The following ZDHHC11B variants were observed in gnomAD, a reference collection of about 807,000 sequenced individuals.
ZDHHC11B encodes probable palmitoyltransferase ZDHHC11B.
ZDHHC11B carries 17 observed loss-of-function variants against 42.3 expected under a neutral mutation model. The observed-to-expected ratio is 0.40, with a 90% CI of 0.27 to 0.60. ZDHHC11B has a LOEUF of 0.60. ZDHHC11B is among the 20% of genes least tolerant of loss of function. ZDHHC11B has a pLI of 0.41. For synonymous variants in ZDHHC11B, 123 were observed against 193.5 expected (o/e 0.64, Z 3.02); for missense variants, 262 against 463.2 (o/e 0.57, Z 3.99).
intron 3 of ZDHHC11B, 77 bp downstream of exon 3, chr5:767,313 CAT>C (rs1561192099): frequency 4.8e-6 from 7 of 1,473,332 alleles, no homozygotes; most frequent in African/African-American, 1.4e-5. Context: ...CACCCACACA[CAT>C]GTGGGGCTCC....
intron 8 of ZDHHC11B, among the ~76,000 whole-genome samples, chr5:746,289 A>G (rs28678838): frequency 0.66 from 92,947 of 140,314 alleles, 29,092 homozygotes; most frequent in Middle Eastern, 0.77. Flanking sequence ...GGCGGTGGGC[A>G]CCCTGGGGAG....
intron 12 of ZDHHC11B, among the ~76,000 whole-genome samples, chr5:724,530 T>C (rs1464198457): frequency 2.1e-5 from 3 of 144,908 alleles, no homozygotes; most frequent in African/African-American, 7.8e-5. Flanking sequence ...TGCCTGCCAC[T>C]ACGCCTGGCT....
rs758234413 is a variant in ZDHHC11B, at chr5:730,451, C to G, written c.1041G>C (p.Pro347=). 2 of 1,568,116 alleles carry G rather than the reference C, an allele frequency of 1.3e-6. No homozygotes were observed. The highest frequency in any genetic ancestry group is 2.4e-5 in the South Asian group (2 of 81,660). ...DSKAQEADDA[P]STSTLGLQQE... ...GAACTTACCCAAGTGTAGATGTACT[C>G]GGGGCATCATCTGCTTCCTGTGGGG... Residue 347 remains proline, a synonymous_variant, in exon 12 of 14, where the codon CCG becomes CCC. Transcript: ENST00000508859.
intron 1 of ZDHHC11B, among the ~76,000 whole-genome samples, chr5:775,880 C>G (rs1376902155): frequency 2.0e-5 from 3 of 148,662 alleles, no homozygotes; most frequent in Non-Finnish European, 3.0e-5. Flanking sequence ...GGGTGGGGGC[C>G]GAGGCGCTCA....
chr5:765,875 G>A (rs1186794823), intron 4 of ZDHHC11B, among the ~76,000 whole-genome samples: 2 of 151,922 alleles, frequency 1.3e-5, no homozygotes, highest in Non-Finnish European at 2.9e-5. Context: ...CTTGAAGTTG[G>A]TGAGACCAAG....
chr5:716,379 G>A (rs1429404719), intron 13 of ZDHHC11B, among the ~76,000 whole-genome samples: 1 of 151,700 alleles, frequency 6.6e-6, no homozygotes, highest in Non-Finnish European at 1.5e-5. Context: ...TGCATTCTAT[G>A]GATCGTCCTA....
intron 4 of ZDHHC11B, among the ~76,000 whole-genome samples, chr5:756,821 G>C (rs1228151405): frequency 1.3e-5 from 2 of 151,614 alleles, no homozygotes; most frequent in South Asian, 2.1e-4. Context: ...ACGGCTCACT[G>C]ACGGACCCTC....
chr5:747,950 C>A lies in ZDHHC11B; in HGVS notation c.784+454G>T, dbSNP rs71587144. On this transcript the variant is annotated intron_variant, in intron 8 of 13. Coordinates refer to ENST00000508859, the MANE Select transcript of ZDHHC11B (RefSeq NM_001351303.2). Reference sequence around the variant, plus strand: ...CCCACTGTGAGACCAAGCAAGACCACCAGCTCTCGCTTCAGTTGTTTGGTT... The same window carrying A: ...CCCACTGTGAGACCAAGCAAGACCAACAGCTCTCGCTTCAGTTGTTTGGTT... 5.1e-5 allele frequency: 17 copies of A among 336,442 alleles called. No homozygotes were observed. In the East Asian group the frequency reaches 9.7e-4, roughly 19 times the overall value. The allele number at this position is 336,442 out of a possible 1,614,324, so 20.8% of individuals were successfully genotyped here. A position where few individuals can be genotyped will look rare whatever the true frequency, so the allele number is the denominator to read the frequency against.
At chr5:718,710 A>AG (rs1465552393) in intron 12 of ZDHHC11B, among the ~76,000 whole-genome samples, 2 of 151,044 alleles carry the variant, frequency 1.3e-5, no homozygotes, top group Non-Finnish European at 3.0e-5. Context: ...AAAAAAAAAA[A>AG]AAGGAAAAAG....
At chr5:734,254 C>T (rs1229299204) in intron 10 of ZDHHC11B, among the ~76,000 whole-genome samples, 1 of 112,876 alleles carries the variant, frequency 8.9e-6, no homozygotes, top group Non-Finnish European at 1.8e-5. Flanking sequence ...CAGCAGCATA[C>T]CAGAAAAAAC....
chr5:733,604 C>G (rs2127011457), intron 11 of ZDHHC11B, 148 bp downstream of exon 11: 2 of 702,656 alleles, frequency 2.8e-6, no homozygotes, highest in East Asian at 5.7e-5. Context: ...CTGTGCTCCA[C>G]CCACCATCAT....
At chr5:715,688 C>T (rs1315364702) in intron 13 of ZDHHC11B, among the ~76,000 whole-genome samples, 1 of 151,578 alleles carries the variant, frequency 6.6e-6, no homozygotes, top group African/African-American at 2.4e-5. Context: ...TTCTAGAGAA[C>T]AATTTTCACA....
chr5:757,860 C>A lies in ZDHHC11B; in HGVS notation c.223-1716G>T, dbSNP rs150656649. Among the ~76,000 whole-genome samples the A allele has an allele frequency of 9.7e-3, 1,463 of 151,092 alleles. 1 individual carries two copies. The highest frequency in any genetic ancestry group is 0.015 in the Non-Finnish European group (985 of 67,354). On this transcript the variant is annotated intron_variant, in intron 4 of 13. Transcript: ENST00000508859. ...GAGCTAGGCAGTGCAGCAACGGGGC[C>A]AGCCAGGCCCTGGGGGACTCACATG... is the stretch of plus-strand genomic sequence containing the variant.
chr5:731,997 G>A (rs1419866812), intron 11 of ZDHHC11B: 2 of 152,204 alleles, frequency 1.3e-5, no homozygotes, highest in African/African-American at 2.4e-5. Flanking sequence ...CACCAGAAAT[G>A]TAAAGAAGGG....
intron 4 of ZDHHC11B, among the ~76,000 whole-genome samples, chr5:759,751 T>C (rs887282313): frequency 7.2e-5 from 11 of 151,854 alleles, no homozygotes; most frequent in African/African-American, 2.7e-4. Context: ...TTCCCCACTT[T>C]CCACAACACA....
chr5:764,016 A>G (rs2150210604), intron 4 of ZDHHC11B, among the ~76,000 whole-genome samples: 1 of 152,072 alleles, frequency 6.6e-6, no homozygotes, highest in East Asian at 1.9e-4. Flanking sequence ...AACAAGTTTC[A>G]GGAAAGAGAG....
chr5:771,771 C>A (rs868221880), intron 1 of ZDHHC11B, among the ~76,000 whole-genome samples: 72 of 150,138 alleles, frequency 4.8e-4, no homozygotes, highest in Middle Eastern at 6.8e-3. Context: ...AGAGAAAGAA[C>A]CTTCTGGGAT....
Position 753,765 on chromosome 5 carries a change from T to G in ZDHHC11B, c.503+1233A>C, listed in dbSNP as rs567884715. 9.6e-4 allele frequency among the ~76,000 whole-genome samples: 142 copies of G among 148,268 alleles called. 8 individuals carry two copies. The highest frequency in any genetic ancestry group is 5.1e-4 in the Non-Finnish European group (34 of 66,968). On this transcript the variant is annotated intron_variant, in intron 6 of 13. Transcript: ENST00000508859. ...TCTGTCCCTGCCGGGCTGCTCAGCC[T>G]CTCTGGACACATGCTGTGCTCCAGA...
chr5:744,852 C>T (rs1333946828), intron 9 of ZDHHC11B, among the ~76,000 whole-genome samples: 2 of 147,610 alleles, frequency 1.4e-5, no homozygotes, highest in African/African-American at 5.0e-5. Context: ...CCCTGGGCAA[C>T]AGAGCGAGAC....
Sources: gnomAD v4.1 joint callset for allele counts (sites outside exome capture counted in the v4.1 genomes callset) on GRCh38, gnomAD v4.1.1 for gene constraint, MANE v1.5 for transcripts, NCBI Gene and HGNC (gene_info 2026-07-23, HGNC 2026-07-21) for gene names.